LPA: variants seen among roughly 807,000 people sequenced by gnomAD.
The protein encoded by LPA is apolipoprotein(a).
A neutral mutation model predicts 197.9 loss-of-function variants in LPA; 199 were observed. The ratio of observed to expected loss-of-function variants is 1.01; its 90% CI spans 0.90 to 1.13. The LOEUF (loss-of-function observed/expected upper bound fraction) is 1.13. Ranked by LOEUF, LPA falls within the 50% of genes most tolerant of loss-of-function variation. The pLI is 0.00. For missense variants in LPA, 1,853 were observed against 1,785.8 expected (o/e 1.04, Z -0.68); for synonymous variants, 715 against 639.5 (o/e 1.12, Z -1.78).
At position 160,548,559 on chromosome 6, in the gene LPA, G is replaced by A. The variant is rs757921434; in HGVS notation, c.5074C>T (p.Arg1692Ter). 8.7e-6 allele frequency: 14 copies of A among 1,613,922 alleles called. No individual in the cohort carries two copies. Among genetic ancestry groups the A allele is most frequent in the Admixed American group, 5.0e-5 (3 of 59,990 alleles). ...ACAGTCCCTTCTGTGTCTGAGCATC[G>A]CGTCAGGTTGCAGTACTCCCACCTG... ...SIRWEYCNLT[R>*]CSDTEGTVVA... Residue 1692 changes from arginine (R) to a stop codon, truncating the protein, a stop_gained, in exon 31 of 39, where the codon CGA (arginine) becomes TGA (stop). Coordinates refer to ENST00000316300, the MANE Select transcript of LPA (RefSeq NM_005577.4). LOFTEE classifies it high-confidence loss of function.
chr6:160,574,588 C>G (rs1217843521), intron 28 of LPA, among the ~76,000 whole-genome samples: 7 of 152,166 alleles, frequency 4.6e-5, no homozygotes, highest in Non-Finnish European at 1.0e-4. Context: ...GCTGCTTCCT[C>G]TACCCCTATA....
chr6:160,649,325 T>C (rs1016211545), intron 2 of LPA, among the ~76,000 whole-genome samples: 4 of 152,202 alleles, frequency 2.6e-5, no homozygotes, highest in Non-Finnish European at 5.9e-5. Flanking sequence ...CTTCCGTAGA[T>C]GTTCTTTGCC....
chr6:160,540,059 A>C lies in LPA; in HGVS notation c.5719T>G (p.Leu1907Val). Residue 1907 changes from leucine (L) to valine (V), a missense_variant, in exon 36 of 39, where the codon TTG (leucine) becomes GTG (valine). Physicochemically the swap from Leu to Val is conservative, Grantham distance 32. Coordinates refer to ENST00000316300, the MANE Select transcript of LPA (RefSeq NM_005577.4). ...AGCGAGTACCTGCTTAGCTTTAGCA[A>C]GGCAATATCTGCTTGTGTGGGCTCC... ...FLEPTQADIA[L>V]LKLSRPAVIT... 1.2e-6 allele frequency: 2 copies of C among 1,614,138 alleles called. No homozygotes were observed. The highest frequency in any genetic ancestry group is 1.7e-6 in the Non-Finnish European group (2 of 1,180,020).
intron 30 of LPA, among the ~76,000 whole-genome samples, chr6:160,553,256 C>A (rs1162717864): frequency 6.6e-6 from 1 of 151,994 alleles, no homozygotes; most frequent in Non-Finnish European, 1.5e-5. Context: ...ATTGACATTG[C>A]CATTTGCCAT....
intron 7 of LPA, among the ~76,000 whole-genome samples, chr6:160,634,643 T>A (rs1471238009): frequency 6.6e-6 from 1 of 151,134 alleles, no homozygotes; most frequent in African/African-American, 2.5e-5. Flanking sequence ...GCTCATATAC[T>A]GCTCCATAGA....
Position 160,611,466 on chromosome 6 carries a change from C to A in LPA, c.2603+96G>T, listed in dbSNP as rs770821053. The A allele has an allele frequency of 3.0e-4, 462 of 1,554,294 alleles. 9 individuals carry two copies. The Middle Eastern group carries it at 4.1e-3, about 14-fold the overall frequency. ...TTTGCTACACCATCTGAATCTGACA[C>A]AAGTTGAGTTCGGAGAACTCAGCTT... On this transcript the variant is annotated intron_variant, in intron 16 of 38. Coordinates refer to ENST00000316300, the MANE Select transcript of LPA (RefSeq NM_005577.4).
At chr6:160,577,364 G>A in intron 27 of LPA, 69 bp from the exon 28 acceptor site, 3 of 1,427,094 alleles carry the variant, frequency 2.1e-6, no homozygotes, top group East Asian at 2.3e-5. Context: ...GACAATTTAT[G>A]TCACATACTG....
intron 18 of LPA, among the ~76,000 whole-genome samples, chr6:160,603,593 A>G (rs552135219): frequency 5.6e-4 from 85 of 152,206 alleles, no homozygotes; most frequent in Middle Eastern, 6.8e-3. Flanking sequence ...CATTTCTGTC[A>G]TTTCTAGGTC....
chr6:160,559,950 C>G (rs1778333765), intron 28 of LPA, among the ~76,000 whole-genome samples: 1 of 152,182 alleles, frequency 6.6e-6, no homozygotes, highest in Non-Finnish European at 1.5e-5. Flanking sequence ...AGCCTCAACT[C>G]CCCAACAGGC....
At position 160,586,429 on chromosome 6, in the gene LPA, T is replaced by C. The variant is rs942763465; in HGVS notation, c.4129+20A>G. The C allele has an allele frequency of 1.9e-6, 3 of 1,612,822 alleles. No homozygotes were observed. Among genetic ancestry groups the C allele is most frequent in the Admixed American group, 3.3e-5 (2 of 59,968 alleles). On this transcript the variant is annotated intron_variant, in intron 25 of 38. Transcript: ENST00000316300. ...ATCCCAATGTCCGAGGGTATGGTTGTCTGACTGCAGGCTTCTTACCTTCTT... is the reference window on the plus strand; with the variant it reads ...ATCCCAATGTCCGAGGGTATGGTTGCCTGACTGCAGGCTTCTTACCTTCTT...
At chr6:160,568,643 T>G (rs112187960) in intron 28 of LPA, among the ~76,000 whole-genome samples, 1 of 152,090 alleles carries the variant, frequency 6.6e-6, no homozygotes, top group Non-Finnish European at 1.5e-5. Flanking sequence ...CCAGGGCAAT[T>G]AGGCAGGAGA....
At chr6:160,539,777 G>A (rs1777950897) in intron 36 of LPA, among the ~76,000 whole-genome samples, 1 of 152,200 alleles carries the variant, frequency 6.6e-6, no homozygotes, top group Admixed American at 6.5e-5. Context: ...GAATGTGGAT[G>A]AACTGGTGAA....
intron 1 of LPA, among the ~76,000 whole-genome samples, chr6:160,662,554 G>C (rs1047519227): frequency 7.9e-5 from 12 of 152,266 alleles, no homozygotes; most frequent in Middle Eastern, 3.4e-3. Context: ...TGGCAGAGAA[G>C]TTTGTTCTAG....
chr6:160,582,444 C>T (rs991629513), intron 26 of LPA, among the ~76,000 whole-genome samples: 2 of 151,870 alleles, frequency 1.3e-5, no homozygotes, highest in South Asian at 2.1e-4. Flanking sequence ...CCACTCTAAA[C>T]GTGTTATTTT....
chr6:160,543,968 G>C (rs533309285), intron 33 of LPA, among the ~76,000 whole-genome samples: 2 of 152,186 alleles, frequency 1.3e-5, no homozygotes, highest in Non-Finnish European at 2.9e-5. Flanking sequence ...AACCTCACTT[G>C]TCTTACATCA....
At chr6:160,532,062 T>G (rs1479315990) in intron 38 of LPA, among the ~76,000 whole-genome samples, 172 bp from the exon 39 acceptor site, 1 of 152,206 alleles carries the variant, frequency 6.6e-6, no homozygotes, top group East Asian at 1.9e-4. Context: ...GCAAAGTCTA[T>G]TCAACAAAAC....
chr6:160,591,129 C>A (rs1313273125), intron 22 of LPA, 28 bp from the exon 23 acceptor site: 2 of 1,612,364 alleles, frequency 1.2e-6, no homozygotes, highest in East Asian at 2.2e-5. Context: ...ATACAGTTCA[C>A]CAGAGATGGG....
intron 32 of LPA, among the ~76,000 whole-genome samples, chr6:160,547,505 A>T (rs1282973521): frequency 6.6e-6 from 1 of 152,142 alleles, no homozygotes; most frequent in Non-Finnish European, 1.5e-5. Flanking sequence ...TTCCAGTACC[A>T]GTACCAGTAC....
chr6:160,577,193 G>A lies in LPA; in HGVS notation c.4574C>T (p.Ser1525Phe), dbSNP rs1450756542. 2 of 1,613,848 alleles carry A rather than the reference G, an allele frequency of 1.2e-6. No individual in the cohort carries two copies. Among genetic ancestry groups the A allele is most frequent in the Admixed American group, 1.7e-5 (1 of 60,000 alleles). ...CCAGTGTGGTATCATAGATGACCAAGATTGACAGGTCCTTCCTGTGACAGT... is the reference window on the plus strand; with the variant it reads ...CCAGTGTGGTATCATAGATGACCAAAATTGACAGGTCCTTCCTGTGACAGT... ...STTVTGRTCQ[S>F]WSSMIPHWHQ... is the part of the protein sequence containing the mutation. Residue 1525 changes from serine (S) to phenylalanine (F), a missense_variant, in exon 28 of 39, where the codon TCT becomes TTT. This residue lies in a region of LPA where 1,737 missense variants were observed against 1,504.4 expected (regional missense o/e 1.15). Coordinates refer to ENST00000316300, the MANE Select transcript of LPA (RefSeq NM_005577.4).
Sources: allele counts gnomAD v4.1 joint callset (sites outside exome capture counted in the v4.1 genomes callset), GRCh38; gene constraint gnomAD v4.1.1; regional missense constraint gnomAD v4.1.1; transcripts MANE v1.5; gene names NCBI Gene and HGNC (gene_info 2026-07-23, HGNC 2026-07-21).